The following TAPBPL variants were observed in gnomAD, a reference collection of about 807,000 sequenced individuals.
TAPBPL encodes TAP binding protein like.
TAPBPL carries 32 observed loss-of-function variants against 44.8 expected under a neutral mutation model. The ratio of observed to expected loss-of-function variants is 0.71; its 90% confidence interval spans 0.54 to 0.96. TAPBPL has a LOEUF of 0.96. TAPBPL is among the 40% of genes least tolerant of loss of function. The pLI, the probability that TAPBPL is intolerant of heterozygous loss-of-function variation, is 0.00. For synonymous variants in TAPBPL, 230 were observed against 240.7 expected, an observed-to-expected ratio of 0.96 and a Z score of 0.41; for missense variants, 520 against 586.6, an observed-to-expected ratio of 0.89 and a Z score of 1.17.
At chr12:6,465,422 A>G (rs11064208), downstream of TAPBPL, 48 of 115,514 alleles carry the variant, frequency 4.2e-4, no homozygotes, top group Non-Finnish European at 4.1e-4. Flanking sequence ...ATGTATATAT[A>G]TATATAAATG....
At chr12:6,455,042 G>A (rs1949666636) in intron 3 of TAPBPL, among the ~76,000 whole-genome samples, 1 of 152,118 alleles carries the variant, frequency 6.6e-6, no homozygotes, top group African/African-American at 2.4e-5. Context: ...CTCCTGGCAT[G>A]CGTAGGTATT....
chr12:6,463,749 C>T, downstream of TAPBPL: 2 of 1,151,962 alleles, frequency 1.7e-6, no homozygotes, highest in South Asian at 3.6e-5. This position sits in a 1 kb window ranked among gnomAD's most constrained non-coding sequence, Gnocchi z 4.0. Flanking sequence ...AAGCTCCTTC[C>T]AGCTAGAAGC....
downstream of TAPBPL, among the ~76,000 whole-genome samples, chr12:6,468,230 G>C (rs2137012530): frequency 1.3e-5 from 2 of 152,382 alleles, no homozygotes; most frequent in African/African-American, 4.8e-5. Context: ...AGCCAGGAGG[G>C]AGGCTGTACA....
At chr12:6,456,713 C>T (rs1282106861) in intron 3 of TAPBPL, among the ~76,000 whole-genome samples, 1 of 152,026 alleles carries the variant, frequency 6.6e-6, no homozygotes, top group Non-Finnish European at 1.5e-5. Flanking sequence ...AGTGCAATGG[C>T]GCGATCTTGG....
chr12:6,462,381 T>A (rs1949896433), downstream of TAPBPL: 1 of 504,112 alleles, frequency 2.0e-6, no homozygotes, highest in Non-Finnish European at 3.5e-6. Context: ...GACAAAGAGG[T>A]GATGACAGAC....
chr12:6,461,961 C>A, intron 6 of TAPBPL, 73 bp from the exon 7 acceptor site: 3 of 1,251,624 alleles, frequency 2.4e-6, no homozygotes, highest in Middle Eastern at 1.9e-4. Flanking sequence ...ATGGAAGAGG[C>A]CTGAGGGAAC....
chr12:6,459,887 C>T (rs1949803364), intron 5 of TAPBPL, among the ~76,000 whole-genome samples: 1 of 151,936 alleles, frequency 6.6e-6, no homozygotes, highest in African/African-American at 2.4e-5. Flanking sequence ...CCTCTTGCCT[C>T]AGCCTCCCAA....
downstream of TAPBPL, among the ~76,000 whole-genome samples, chr12:6,471,463 T>C (rs189268835): frequency 1.3e-5 from 2 of 152,200 alleles, no homozygotes; most frequent in African/African-American, 4.8e-5. The surrounding 1 kb of genome is among the most constrained non-coding windows in gnomAD (Gnocchi z 4.0). Flanking sequence ...ATCTCCCCTC[T>C]GCTCACTATT....
intron 3 of TAPBPL, among the ~76,000 whole-genome samples, chr12:6,454,525 A>C (rs1244332304): frequency 1.3e-5 from 2 of 152,132 alleles, no homozygotes; most frequent in East Asian, 3.8e-4. Context: ...CGCAGCCCCT[A>C]CCTGAACGTC....
chr12:6,462,109 T>G lies in TAPBPL; in HGVS notation c.1367T>G (p.Leu456Arg). 6.2e-7 allele frequency: 1 copy of G among 1,613,526 alleles called. No homozygotes were observed. Among genetic ancestry groups the G allele is most frequent in the Non-Finnish European group, 8.5e-7 (1 of 1,179,520 alleles). Residue 456 changes from leucine to arginine, a missense_variant, in exon 7 of 7, where the codon CTC becomes CGC. Physicochemically the swap from Leu to Arg is moderately radical, Grantham distance 102 (BLOSUM62 -2). Transcript: ENST00000266556. ...TSCADTQSSH[L>R]HEDRTARVSQ... Reference sequence around the variant, plus strand: ...TGTGCTGACACACAGAGCTCCCATCTCCATGAAGACCGCACAGCGCGTGTA... The same window carrying G: ...TGTGCTGACACACAGAGCTCCCATCGCCATGAAGACCGCACAGCGCGTGTA...
At chr12:6,464,176 C>T, downstream of TAPBPL, 1 of 1,450,322 alleles carries the variant, frequency 6.9e-7, no homozygotes. Context: ...TGCCCCTTCC[C>T]TTGGCCTCCA....
intron 1 of TAPBPL, chr12:6,452,611 A>T: frequency 7.6e-7 from 1 of 1,309,514 alleles, no homozygotes; most frequent in Admixed American, 3.7e-5. Flanking sequence ...AGAGGAAAGG[A>T]CTCCCCAGGT....
downstream of TAPBPL, chr12:6,464,788 T>G (rs1472614443): frequency 6.3e-7 from 1 of 1,585,850 alleles, no homozygotes; most frequent in Non-Finnish European, 8.6e-7. Context: ...TCTCCATACC[T>G]CAGTCAGAGC....
chr12:6,459,162 G>C (rs146772168), intron 5 of TAPBPL, among the ~76,000 whole-genome samples: 1 of 152,196 alleles, frequency 6.6e-6, no homozygotes, highest in Non-Finnish European at 1.5e-5. Flanking sequence ...AGCCTCCAGG[G>C]TGTCAGGCAA....
chr12:6,467,426 G>A (rs538877619), downstream of TAPBPL, among the ~76,000 whole-genome samples: 1 of 152,310 alleles, frequency 6.6e-6, no homozygotes, highest in East Asian at 1.9e-4. Context: ...GAACTTGTTG[G>A]GAACTGAAGC....
At chr12:6,470,476 T>C (rs553463019), downstream of TAPBPL, 60 of 1,613,142 alleles carry the variant, frequency 3.7e-5, 1 homozygote, top group East Asian at 2.9e-4. Flanking sequence ...AATCGGGAGC[T>C]TGGGGCGAGA....
At chr12:6,465,061 C>A, downstream of TAPBPL, 1 of 1,457,878 alleles carries the variant, frequency 6.9e-7, no homozygotes, top group Non-Finnish European at 9.3e-7. Flanking sequence ...CCACCCATCA[C>A]CCAGGAGACC....
intron 6 of TAPBPL, 59 bp downstream of exon 6, chr12:6,460,997 C>T (rs2534710): frequency 0.7 from 1,121,524 of 1,608,146 alleles, 392,901 homozygotes; most frequent in East Asian, 0.78. Flanking sequence ...TCTAACCACC[C>T]CCCCGCCCAG....
downstream of TAPBPL, chr12:6,463,240 A>G (rs1199654564): frequency 3.6e-6 from 5 of 1,389,994 alleles, no homozygotes; most frequent in Non-Finnish European, 4.7e-6. The surrounding 1 kb of genome is among the most constrained non-coding windows in gnomAD (Gnocchi z 4.0). Flanking sequence ...CTACAGGAAG[A>G]ACAGAGAGGC....
Sources: allele counts gnomAD v4.1 joint callset (sites outside exome capture counted in the v4.1 genomes callset), GRCh38; gene constraint gnomAD v4.1.1; non-coding constraint Gnocchi (gnomAD v3.1); transcripts MANE v1.5; gene names NCBI Gene and HGNC (gene_info 2026-07-23, HGNC 2026-07-21).